The following C2CD3 variants were observed in gnomAD, a reference collection of about 807,000 sequenced individuals.
The protein encoded by C2CD3 is C2 domain containing 3 centriole elongation regulator.
Under a neutral mutation model 234.0 loss-of-function variants are expected in C2CD3, and 148 were observed. That is an observed-to-expected ratio of 0.63 (90% CI 0.55 to 0.72). The LOEUF (loss-of-function observed/expected upper bound fraction) is 0.72. C2CD3 is among the 30% of genes least tolerant of loss of function. The pLI is 0.00. For synonymous variants in C2CD3, 1,000 were observed against 1,035.4 expected, an observed-to-expected ratio of 0.97 and a Z score of 0.66; for missense variants, 2,577 against 2,811.5, an observed-to-expected ratio of 0.92 and a Z score of 1.89.
chr11:74,117,361 AATATATATATATAT>A (rs71469494), intron 9 of C2CD3, among the ~76,000 whole-genome samples: 13 of 94,834 alleles, frequency 1.4e-4, no homozygotes, highest in Admixed American at 5.6e-4. Flanking sequence ...TTTGGCCTCA[AATATATATATATAT>A]ATATATATAT....
At chr11:74,168,750 A>T in intron 1 of C2CD3, 137 bp from the exon 2 acceptor site, 1 of 746,034 alleles carries the variant, frequency 1.3e-6, no homozygotes, top group Non-Finnish European at 2.2e-6. Flanking sequence ...AAGAAGGTTT[A>T]TCCTACCCAT....
At chr11:74,014,461 T>C (rs186802402) in intron 32 of C2CD3, among the ~76,000 whole-genome samples, 64 of 152,012 alleles carry the variant, frequency 4.2e-4, no homozygotes, top group Admixed American at 1.8e-3. Context: ...AGAAGCTTGG[T>C]GGAGACCCTA....
intron 13 of C2CD3, among the ~76,000 whole-genome samples, chr11:74,105,276 T>C (rs1330939909): frequency 6.6e-6 from 1 of 152,082 alleles, no homozygotes; most frequent in Non-Finnish European, 1.5e-5. Flanking sequence ...GTGATGATTT[T>C]TTTTTTTCTT....
At chr11:74,066,003 T>C (rs1475718947) in intron 24 of C2CD3, among the ~76,000 whole-genome samples, 2 of 151,388 alleles carry the variant, frequency 1.3e-5, no homozygotes. Context: ...ACATGGCACA[T>C]GTATACATAT....
At chr11:74,075,664 C>T (rs1375917845) in intron 23 of C2CD3, among the ~76,000 whole-genome samples, 1 of 152,076 alleles carries the variant, frequency 6.6e-6, no homozygotes, top group East Asian at 1.9e-4. Flanking sequence ...TCATAGATGG[C>T]AATAATATGA....
rs1951758714 is a variant in C2CD3, at chr11:74,013,334, G to A, written c.*51C>T. 2 of 585,098 alleles carry A rather than the reference G, an allele frequency of 3.4e-6. No individual in the cohort carries two copies. The highest frequency in any genetic ancestry group is 8.2e-5 in the Admixed American group (2 of 24,266). 36.2% of individuals were successfully genotyped at this position (585,098 alleles called of 1,614,324 possible). A position where few individuals can be genotyped will look rare whatever the true frequency, so the allele number is the denominator to read the frequency against. On this transcript the variant is annotated 3_prime_UTR_variant, in exon 33 of 33. Transcript: ENST00000334126. The stretch of plus-strand genomic sequence containing the variant: ...TGGTGCCTCCTGCAAGCTGGACAAA[G>A]CTGACGGAGGGTGGGCAGGTGTCTC...
Position 74,090,815 on chromosome 11 carries a change from GGCT to G in C2CD3, c.3636_3638del (p.Ala1213del). ...TTGCTTGTCTCAGGTGGACTTACTT[GGCT>G]GCTGCTTGCAGACCACAGGCTCTGA... On this transcript the variant is annotated inframe_deletion, in exon 20 of 33. Transcript: ENST00000334126. 6.2e-7 allele frequency: 1 copy of G among 1,614,086 alleles called. No individual in the cohort carries two copies. The highest frequency in any genetic ancestry group is 1.3e-5 in the African/African-American group (1 of 75,030).
chr11:74,018,288 T>A (rs1197964894), intron 32 of C2CD3, among the ~76,000 whole-genome samples: 1 of 152,044 alleles, frequency 6.6e-6, no homozygotes, highest in Non-Finnish European at 1.5e-5. Context: ...TCAGACCCCA[T>A]CCCTGGCAAA....
chr11:74,136,349 C>T (rs1218628414), intron 5 of C2CD3, among the ~76,000 whole-genome samples: 1 of 152,168 alleles, frequency 6.6e-6, no homozygotes, highest in Non-Finnish European at 1.5e-5. Context: ...TGCACATTGA[C>T]AGCCCATGGG....
At chr11:74,039,626 C>T (rs998433508) in intron 29 of C2CD3, among the ~76,000 whole-genome samples, 1 of 152,152 alleles carries the variant, frequency 6.6e-6, no homozygotes, top group Non-Finnish European at 1.5e-5. Flanking sequence ...CAGTGGTTTT[C>T]AACCTGGCAA....
intron 29 of C2CD3, among the ~76,000 whole-genome samples, chr11:74,041,435 ATTAGGCATTCCCCTGTCTACTCT>A: frequency 6.6e-6 from 1 of 152,214 alleles, no homozygotes; most frequent in Non-Finnish European, 1.5e-5. Context: ...AATCCAGAAT[ATTAGGCATTCCCCTGTCTACTCT>A]TGGCCAGGGA....
chr11:74,095,124 A>G, intron 17 of C2CD3, 104 bp downstream of exon 17: 1 of 708,078 alleles, frequency 1.4e-6, no homozygotes, highest in Non-Finnish European at 2.1e-6. Context: ...CAGTAAGACT[A>G]GAAATATTCA....
In C2CD3 at chr11:74,025,854, C is replaced by T. The variant is rs576259975; in HGVS notation, c.6921+2433G>A. 5.3e-4 allele frequency among the ~76,000 whole-genome samples: 81 copies of T among 152,220 alleles called. 1 individual carries two copies. The highest frequency in any genetic ancestry group is 1.9e-3 in the African/African-American group (80 of 41,530). On this transcript the variant is annotated intron_variant, in intron 32 of 32. Transcript: ENST00000334126. ...GTCTCGGGAAGGTTGAGTCACTTGC[C>T]TAAGATCACTTACTAGCAGATTCAG...
rs751704428 is a variant in C2CD3 at position 74,037,730 on chromosome 11, G to T, written c.5661-32C>A. ...ACAAAAGGGGGAGAAGAAGACAAAGGGGTAATTCATGGAGATTATGAACAT... is the reference window on the plus strand; with the variant it reads ...ACAAAAGGGGGAGAAGAAGACAAAGTGGTAATTCATGGAGATTATGAACAT... On this transcript the variant is annotated intron_variant, in intron 29 of 32. Transcript: ENST00000334126. 5 of 1,525,672 alleles carry T rather than the reference G, an allele frequency of 3.3e-6. No homozygotes were observed. The African/African-American group carries it at 6.8e-5, about 21-fold the overall frequency. 94.5% of individuals were successfully genotyped at this position (1,525,672 alleles called of 1,614,324 possible).
chr11:74,057,337 T>C, intron 25 of C2CD3, 69 bp downstream of exon 25: 1 of 1,559,908 alleles, frequency 6.4e-7, no homozygotes. Context: ...TTATAGTCCT[T>C]GCTCTGACTT....
chr11:74,098,011 T>A lies in C2CD3; in HGVS notation c.2977A>T (p.Met993Leu). ...LDQPTAASVA[M>L]AEDRGNGLME... ...TTGTAAACCATAGCGTTTATTACCA[T>A]AGCAACAGATGCTGCAGTTGGCTGG... The change falls in exon 16 of 33, where the codon ATG becomes TTG. Residue 993 changes from methionine to leucine, a missense_variant and splice_region_variant. Coordinates refer to ENST00000334126, the MANE Select transcript of C2CD3 (RefSeq NM_001286577.2). 4 of 1,613,780 alleles carry A rather than the reference T, an allele frequency of 2.5e-6. No homozygotes were observed. Among genetic ancestry groups the A allele is most frequent in the Non-Finnish European group, 3.4e-6 (4 of 1,179,856 alleles).
chr11:74,075,435 T>C (rs1266695075), intron 23 of C2CD3, among the ~76,000 whole-genome samples: 1 of 152,098 alleles, frequency 6.6e-6, no homozygotes, highest in African/African-American at 2.4e-5. Context: ...TTAATATTTG[T>C]TGAGTGTTTT....
chr11:74,109,794 C>T (rs770290025), intron 11 of C2CD3, among the ~76,000 whole-genome samples: 2 of 152,082 alleles, frequency 1.3e-5, no homozygotes, highest in Non-Finnish European at 2.9e-5. Flanking sequence ...AATTTGAGGC[C>T]GGGTGCGGTG....
At chr11:74,071,700 T>C (rs1290087295) in intron 24 of C2CD3, among the ~76,000 whole-genome samples, 3 of 152,222 alleles carry the variant, frequency 2.0e-5, no homozygotes, top group African/African-American at 7.2e-5. Flanking sequence ...ATTATACTTA[T>C]TCAGTATGCC....
Sources: gnomAD v4.1 joint callset for allele counts (sites outside exome capture counted in the v4.1 genomes callset) on GRCh38, gnomAD v4.1.1 for gene constraint, MANE v1.5 for transcripts, NCBI Gene and HGNC (gene_info 2026-07-23, HGNC 2026-07-21) for gene names.